Variants in CACNA1H observed in about 807,000 individuals in gnomAD.
The protein encoded by CACNA1H is calcium voltage-gated channel subunit alpha1 H, also known as voltage-dependent T-type calcium channel subunit alpha-1H.
CACNA1H carries 149 observed loss-of-function variants against 192.5 expected under a neutral mutation model. That is an observed-to-expected ratio of 0.77 (90% CI 0.68 to 0.89). The LOEUF (loss-of-function observed/expected upper bound fraction) is 0.89. Ranked by LOEUF, CACNA1H falls within the 40% of genes least tolerant of loss-of-function variation. CACNA1H has a pLI of 0.00. For synonymous variants in CACNA1H, 2,202 were observed against 1,475.2 expected (o/e 1.49, Z -11.29); for missense variants, 4,257 against 3,423.5 (o/e 1.24, Z -6.08).
chr16:1,170,016 C>T (rs533982334), intron 2 of CACNA1H, among the ~76,000 whole-genome samples: 15 of 152,224 alleles, frequency 9.9e-5, no homozygotes, highest in Non-Finnish European at 1.5e-5. Context: ...ATGTGCAGGG[C>T]TCAAGTCCCG....
intron 2 of CACNA1H, among the ~76,000 whole-genome samples, chr16:1,158,410 C>T (rs772406259): frequency 6.6e-6 from 1 of 152,150 alleles, no homozygotes; most frequent in Non-Finnish European, 1.5e-5. Context: ...GCAGCTCATC[C>T]TTCCCGGGGT....
intron 2 of CACNA1H, among the ~76,000 whole-genome samples, chr16:1,183,362 G>A (rs547149789): frequency 9.2e-5 from 14 of 152,324 alleles, no homozygotes; most frequent in African/African-American, 2.4e-4. Context: ...GGAAGGAGAC[G>A]GGCGTGGGGG....
intron 31 of CACNA1H, 141 bp from the exon 32 acceptor site, chr16:1,217,778 C>T (rs373764030): frequency 2.3e-5 from 27 of 1,165,762 alleles, no homozygotes; most frequent in African/African-American, 6.2e-5. Context: ...CCAGGCAGGG[C>T]GAACCGCCAG....
Position 1,165,490 on chromosome 16 carries a change from C to A in CACNA1H, c.299+11454C>A, listed in dbSNP as rs574477598. ...CCGCGTGGGCCGAGCCCCCGTCCTGCGCACTCACAGCCGGGGAGCTCCAGG... is the reference window on the plus strand; with the variant it reads ...CCGCGTGGGCCGAGCCCCCGTCCTGAGCACTCACAGCCGGGGAGCTCCAGG... On this transcript the variant is annotated intron_variant, in intron 2 of 34. Transcript: ENST00000348261. Among the ~76,000 whole-genome samples the A allele has an allele frequency of 5.9e-5, 9 of 152,320 alleles. No individual in the cohort carries two copies. In the East Asian group the frequency reaches 1.7e-3, roughly 29 times the overall value.
intron 26 of CACNA1H, 39 bp from the exon 27 acceptor site, chr16:1,213,741 G>T (rs767089625): frequency 2.3e-5 from 33 of 1,466,538 alleles, no homozygotes; most frequent in Non-Finnish European, 3.0e-5. Context: ...AGCGCCGGGC[G>T]GCCCTCCTGC....
chr16:1,202,753 C>G (rs1968131446), intron 9 of CACNA1H, among the ~76,000 whole-genome samples: 1 of 152,134 alleles, frequency 6.6e-6, no homozygotes, highest in Non-Finnish European at 1.5e-5. Context: ...TCCCATTGCC[C>G]CTGCCTGGCC....
intron 2 of CACNA1H, among the ~76,000 whole-genome samples, chr16:1,175,903 G>A (rs1196091061): frequency 6.6e-6 from 1 of 152,176 alleles, no homozygotes; most frequent in Non-Finnish European, 1.5e-5. Flanking sequence ...CTCCTGCCCG[G>A]ACCCCCAGTG....
At position 1,188,175 on chromosome 16, in the gene CACNA1H, G is replaced by A. The variant is rs78501296; in HGVS notation, c.300-6797G>A. Reference sequence around the variant, plus strand: ...TGAGGATTAGTCACGGGGCAGGGTCGGGGAGGCCCTGGCCCCAGGATACGT... The same window carrying A: ...TGAGGATTAGTCACGGGGCAGGGTCAGGGAGGCCCTGGCCCCAGGATACGT... On this transcript the variant is annotated intron_variant, in intron 2 of 34. Transcript: ENST00000348261. Among the ~76,000 whole-genome samples, 945 of 152,344 alleles carry A rather than the reference G, an allele frequency of 6.2e-3. 16 individuals are homozygous for A. The highest frequency in any genetic ancestry group is 0.021 in the African/African-American group (887 of 41,572).
Position 1,210,573 on chromosome 16 carries a change from C to T in CACNA1H, c.3970-10C>T, listed in dbSNP as rs377114648. The T allele has an allele frequency of 1.4e-5, 22 of 1,609,836 alleles. No homozygotes were observed. The highest frequency in any genetic ancestry group is 3.3e-4 in the Middle Eastern group (2 of 6,062). ...AGTGGACACAGCCCCCCACCGTCCT[C>T]TCCCGGCAGGAGCGGGTCTTCCTCA... On this transcript the variant is annotated splice_polypyrimidine_tract_variant and intron_variant, in intron 19 of 34. Coordinates refer to ENST00000348261, the MANE Select transcript of CACNA1H (RefSeq NM_021098.3).
At chr16:1,202,623 G>T (rs1019144548) in intron 9 of CACNA1H, among the ~76,000 whole-genome samples, 171 bp downstream of exon 9, 3 of 152,134 alleles carry the variant, frequency 2.0e-5, no homozygotes, top group African/African-American at 4.8e-5. Flanking sequence ...AAAGAGGCAG[G>T]TCCCGCCCCT....
intron 2 of CACNA1H, among the ~76,000 whole-genome samples, chr16:1,193,692 C>G (rs7191370): frequency 1.3e-5 from 2 of 152,174 alleles, no homozygotes; most frequent in Non-Finnish European, 2.9e-5. Flanking sequence ...AATTACCGCA[C>G]TCTTGGTGGG....
Position 1,195,507 on chromosome 16 carries a change from C to A in CACNA1H, c.487C>A (p.Gln163Lys). The change falls in exon 4 of 35, where the codon CAG (glutamine) becomes AAG (lysine). Residue 163 changes from glutamine (Q) to lysine (K), a missense_variant. Gln to Lys is a moderately conservative substitution (Grantham distance 53, BLOSUM62 1). Coordinates refer to ENST00000348261, the MANE Select transcript of CACNA1H (RefSeq NM_021098.3). The part of the protein sequence containing the change: ...IKMVALGLFG[Q>K]KCYLGDTWNR... ...GATGGTGGCCTTGGGGCTGTTCGGG[C>A]AGAAGTGTTACCTGGGTGACACGTG... 1 of 1,602,054 alleles carries A rather than the reference C, an allele frequency of 6.2e-7. No homozygotes were observed. The highest frequency in any genetic ancestry group is 8.5e-7 in the Non-Finnish European group (1 of 1,174,544).
At position 1,166,505 on chromosome 16, in the gene CACNA1H, T is replaced by C. The variant is rs78509131; in HGVS notation, c.299+12469T>C. ...ATTTATCCACCACCTAACTCGCCAA[T>C]GAAGGGTCCAATTCGGTCGTTCTCC... is the stretch of plus-strand genomic sequence containing the variant. On this transcript the variant is annotated intron_variant, in intron 2 of 34. Transcript: ENST00000348261. Among the ~76,000 whole-genome samples, 418 of 152,342 alleles carry C rather than the reference T, an allele frequency of 2.7e-3. 4 individuals carry two copies. The highest frequency in any genetic ancestry group is 9.4e-3 in the African/African-American group (392 of 41,580).
intron 2 of CACNA1H, among the ~76,000 whole-genome samples, chr16:1,183,667 C>T (rs1181699254): frequency 6.6e-6 from 1 of 152,256 alleles, no homozygotes; most frequent in Non-Finnish European, 1.5e-5. Flanking sequence ...CTGGAGCTCC[C>T]CGGGCACCGT....
rs1020397650 is a variant in CACNA1H, at chr16:1,207,177, GA to G, written c.2907+60del. The G allele has an allele frequency of 3.2e-6, 5 of 1,549,772 alleles. No individual in the cohort carries two copies. The African/African-American group carries it at 6.8e-5, about 21-fold the overall frequency. On this transcript the variant is annotated intron_variant, in intron 13 of 34. Coordinates refer to ENST00000348261, the MANE Select transcript of CACNA1H (RefSeq NM_021098.3). ...GCTGAGTGTGGTCCCCAGAGAGGTG[GA>G]GGTGCCGTCCTGCGCATCCATAGCT...
chr16:1,183,250 T>G (rs1222149505), intron 2 of CACNA1H, among the ~76,000 whole-genome samples: 2 of 152,146 alleles, frequency 1.3e-5, no homozygotes, highest in Non-Finnish European at 2.9e-5. Context: ...CGGGTTCTAT[T>G]GCGTCTGATG....
chr16:1,185,808 ACGGT>A (rs1185890989), intron 2 of CACNA1H, among the ~76,000 whole-genome samples: 7 of 68,230 alleles, frequency 1.0e-4, no homozygotes, highest in South Asian at 4.9e-4. Context: ...GGGTGAGTAG[ACGGT>A]CGGCGTGCGT....
At chr16:1,198,509 CCCACTGTGAACAGTGGACGG>C in intron 5 of CACNA1H, 86 bp from the exon 6 acceptor site, 2 of 1,230,692 alleles carry the variant, frequency 1.6e-6, no homozygotes, top group East Asian at 4.7e-5. Context: ...GGCGTGGACA[CCCACTGTGAACAGTGGACGG>C]GGCTCGGGGG....
At chr16:1,179,207 G>A (rs556957677) in intron 2 of CACNA1H, among the ~76,000 whole-genome samples, 7 of 152,180 alleles carry the variant, frequency 4.6e-5, no homozygotes, top group Non-Finnish European at 7.3e-5. Flanking sequence ...TATCTGACGC[G>A]CCTCCCGGGA....
Sources: allele counts gnomAD v4.1 joint callset (sites outside exome capture counted in the v4.1 genomes callset), GRCh38; gene constraint gnomAD v4.1.1; transcripts MANE v1.5; gene names NCBI Gene and HGNC (gene_info 2026-07-23, HGNC 2026-07-21).